Variants in CENPF observed in about 807,000 individuals in gnomAD.
The protein encoded by CENPF is AH antigen.
A neutral mutation model predicts 307.3 loss-of-function variants in CENPF; 214 were observed. The ratio of observed to expected loss-of-function variants is 0.70; its 90% CI spans 0.62 to 0.78. The LOEUF (loss-of-function observed/expected upper bound fraction) is 0.78, where lower values mean the gene tolerates loss of function less well. CENPF is among the 30% of genes least tolerant of loss of function. CENPF has a pLI of 0.00. For synonymous variants in CENPF, 1,259 were observed against 1,270.6 expected (o/e 0.99, Z 0.19); for missense variants, 3,401 against 3,483.9 (o/e 0.98, Z 0.60).
intron 1 of CENPF, among the ~76,000 whole-genome samples, chr1:214,611,238 G>C (rs1657192850): frequency 6.6e-6 from 1 of 152,154 alleles, no homozygotes; most frequent in Middle Eastern, 3.2e-3. Context: ...TAGTTTGATA[G>C]GAATAGCATT....
Position 214,621,153 on chromosome 1 carries a change from A to G in CENPF, c.865+207A>G, listed in dbSNP as rs138973567. Reference sequence around the variant, plus strand: ...TTGGAATGTAGTTTTATTTGTATTGAAAAGCTGGTGCCTGGAAGCCTCTAA... The same window carrying G: ...TTGGAATGTAGTTTTATTTGTATTGGAAAGCTGGTGCCTGGAAGCCTCTAA... On this transcript the variant is annotated intron_variant, in intron 6 of 19. Coordinates refer to ENST00000366955, the MANE Select transcript of CENPF (RefSeq NM_016343.4). Among the ~76,000 whole-genome samples the G allele has an allele frequency of 1.4e-3, 211 of 152,348 alleles. 2 individuals are homozygous for G. Among genetic ancestry groups the G allele is most frequent in the African/African-American group, 4.9e-3 (204 of 41,574 alleles).
At chr1:214,634,599 G>A (rs1657905363) in intron 10 of CENPF, among the ~76,000 whole-genome samples, 1 of 152,170 alleles carries the variant, frequency 6.6e-6, no homozygotes, top group Non-Finnish European at 1.5e-5. Flanking sequence ...TTAGCCCAGT[G>A]CCCAGCACAT....
At chr1:214,605,779 C>A in intron 1 of CENPF, 1 of 1,592,008 alleles carries the variant, frequency 6.3e-7, no homozygotes, top group South Asian at 1.1e-5. Flanking sequence ...CCACCCACAG[C>A]GGCTCCACCG....
chr1:214,662,264 A>G (rs1558194715), intron 19 of CENPF, among the ~76,000 whole-genome samples: 2 of 152,046 alleles, frequency 1.3e-5, no homozygotes, highest in South Asian at 4.1e-4. Flanking sequence ...AAAAAAAAAA[A>G]AAGTACCAGC....
chr1:214,606,013 G>C, intron 1 of CENPF: 1 of 1,596,746 alleles, frequency 6.3e-7, no homozygotes, highest in Non-Finnish European at 8.5e-7. Flanking sequence ...GCGAGGCCAG[G>C]TCCACGGTGG....
At chr1:214,606,029 G>A (rs1657019131) in intron 1 of CENPF, 8 of 1,596,064 alleles carry the variant, frequency 5.0e-6, no homozygotes, top group African/African-American at 1.3e-5. Context: ...GGTGGGCACC[G>A]TGCCGATGCT....
rs181295311 is a variant in CENPF, at chr1:214,625,650, T to C, written c.1068+3369T>C. Reference sequence around the variant, plus strand: ...CTTTCTGCTTTTTCATTTGTTTTCTTTTTTTTTCCTGCCTTTGCGGGTTGT... The same window carrying C: ...CTTTCTGCTTTTTCATTTGTTTTCTCTTTTTTTCCTGCCTTTGCGGGTTGT... On this transcript the variant is annotated intron_variant, in intron 7 of 19. Coordinates refer to ENST00000366955, the MANE Select transcript of CENPF (RefSeq NM_016343.4). Among the ~76,000 whole-genome samples, 1,109 of 152,254 alleles carry C rather than the reference T, an allele frequency of 7.3e-3. 5 individuals carry two copies. The highest frequency in any genetic ancestry group is 0.012 in the Non-Finnish European group (849 of 68,004).
rs148816462 is a variant in CENPF, at chr1:214,642,820, C to T, written c.4482C>T (p.Ser1494=). Residue 1494 remains serine (S), a synonymous_variant, in exon 12 of 20, where the codon TCC becomes TCT. Coordinates refer to ENST00000366955, the MANE Select transcript of CENPF (RefSeq NM_016343.4). ...GTCTTAGCAGTTTGGGAGACTCCTC[C>T]TTTTACAGAGCTCTTTTAGAACAGA... The part of the protein sequence containing the change: ...SSSLSSLGDS[S]FYRALLEQTG... 2.6e-4 allele frequency: 416 copies of T among 1,613,916 alleles called. 3 individuals carry two copies. In the African/African-American group the frequency reaches 4.6e-3, roughly 18 times the overall value.
At chr1:214,651,600 C>T in intron 14 of CENPF, 110 bp from the exon 15 acceptor site, 2 of 734,106 alleles carry the variant, frequency 2.7e-6, no homozygotes, top group Non-Finnish European at 2.2e-6. Context: ...CAGATTTTAT[C>T]TTGCCCATAA....
At position 214,645,376 on chromosome 1, in the gene CENPF, G is replaced by GA; in HGVS notation, c.5811dup (p.Asp1938ArgfsTer3). The GA allele has an allele frequency of 6.2e-7, 1 of 1,614,110 alleles. No homozygotes were observed. Among genetic ancestry groups the GA allele is most frequent in the Non-Finnish European group, 8.5e-7 (1 of 1,180,016 alleles). On this transcript the variant is annotated frameshift_variant, in exon 13 of 20. Transcript: ENST00000366955. LOFTEE classifies it high-confidence loss of function. The stretch of plus-strand genomic sequence containing the variant: ...AGTTCAAACAGAGAAGCTATGTTTA[G>GA]AAAAAGACAATGAAAATAAGCAGAA...
chr1:214,639,087 T>G (rs1658036633), intron 11 of CENPF, among the ~76,000 whole-genome samples: 1 of 152,230 alleles, frequency 6.6e-6, no homozygotes, highest in African/African-American at 2.4e-5. Flanking sequence ...TGATATGATG[T>G]CTGAGATTGT....
At chr1:214,605,870 G>A in intron 1 of CENPF, 2 of 1,597,246 alleles carry the variant, frequency 1.3e-6, no homozygotes, top group South Asian at 2.2e-5. Flanking sequence ...GATGAGCACG[G>A]GCGACGTGAT....
chr1:214,640,482 A>C lies in CENPF; in HGVS notation c.2144A>C (p.Gln715Pro), dbSNP rs1299933558. The C allele has an allele frequency of 6.2e-7, 1 of 1,614,148 alleles. No homozygotes were observed. The highest frequency in any genetic ancestry group is 1.1e-5 in the South Asian group (1 of 91,074). The stretch of plus-strand genomic sequence containing the variant: ...GCTGAGTTCTCAGATCAGAAACATC[A>C]GAAGGAAATAGAAAATATGTGTTTG... ...QKAEFSDQKHQKEIENMCLKT... is the reference protein window; with the variant it reads ...QKAEFSDQKHPKEIENMCLKT... Residue 715 changes from glutamine (Q) to proline (P), a missense_variant, in exon 12 of 20, where the codon CAG (glutamine) becomes CCG (proline). By Grantham distance (76) the Gln-to-Pro change is moderately conservative. Transcript: ENST00000366955.
At chr1:214,651,960 C>CA (rs887311328) in intron 15 of CENPF, 74 bp downstream of exon 15, 107 of 1,171,852 alleles carry the variant, frequency 9.1e-5, no homozygotes, top group African/African-American at 1.8e-4. Flanking sequence ...TTTTTTTTTC[C>CA]AAAAAAAATC....
intron 14 of CENPF, among the ~76,000 whole-genome samples, chr1:214,650,944 C>G (rs1427322269): frequency 1.3e-5 from 2 of 152,086 alleles, no homozygotes; most frequent in Non-Finnish European, 2.9e-5. Flanking sequence ...ACAATAATAA[C>G]AAAAAACAAA....
chr1:214,619,065 A>G, intron 4 of CENPF, 64 bp from the exon 5 acceptor site: 1 of 836,152 alleles, frequency 1.2e-6, no homozygotes, highest in Non-Finnish European at 2.0e-6. Context: ...ATCGTTGTTG[A>G]TCTGTGAATT....
At chr1:214,655,621 A>G (rs915646570) in intron 17 of CENPF, among the ~76,000 whole-genome samples, 2 of 152,168 alleles carry the variant, frequency 1.3e-5, no homozygotes, top group African/African-American at 4.8e-5. Flanking sequence ...TTTTTGAGAC[A>G]GGATCTTGCT....
At chr1:214,652,320 C>T (rs1044862893) in intron 15 of CENPF, among the ~76,000 whole-genome samples, 1 of 149,968 alleles carries the variant, frequency 6.7e-6, no homozygotes, top group Non-Finnish European at 1.5e-5. Context: ...CAGGCGTGAG[C>T]CACTGCGCCT....
chr1:214,658,208 G>A (rs1383472304), intron 18 of CENPF, among the ~76,000 whole-genome samples: 2 of 152,112 alleles, frequency 1.3e-5, no homozygotes, highest in Admixed American at 1.3e-4. Context: ...AACAAATGCT[G>A]CTTTAGTTAG....
Sources: gnomAD v4.1 joint callset for allele counts (sites outside exome capture counted in the v4.1 genomes callset) on GRCh38, gnomAD v4.1.1 for gene constraint, MANE v1.5 for transcripts, NCBI Gene and HGNC (gene_info 2026-07-23, HGNC 2026-07-21) for gene names.